Variants in INSYN2B observed in about 807,000 individuals in gnomAD.
The protein encoded by INSYN2B is protein INSYN2B.
A neutral mutation model predicts 41.2 loss-of-function variants in INSYN2B; 16 were observed. The ratio of observed to expected loss-of-function variants is 0.39; its 90% CI spans 0.26 to 0.59. INSYN2B has a LOEUF of 0.59. INSYN2B is among the 20% of genes least tolerant of loss of function. The pLI is 0.57. For missense variants in INSYN2B, 608 were observed against 646.4 expected, an observed-to-expected ratio of 0.94 and a Z score of 0.64; for synonymous variants, 245 against 244.4, an observed-to-expected ratio of 1.00 and a Z score of -0.02.
At chr5:169,929,658 C>T (rs907962234) in intron 1 of INSYN2B, among the ~76,000 whole-genome samples, 1 of 150,684 alleles carries the variant, frequency 6.6e-6, no homozygotes, top group Admixed American at 6.6e-5. Flanking sequence ...AGGAGAATCA[C>T]TCAAGCCTGG....
chr5:169,865,566 C>T (rs1017197454), intron 3 of INSYN2B, among the ~76,000 whole-genome samples: 9 of 152,190 alleles, frequency 5.9e-5, no homozygotes, highest in Non-Finnish European at 1.5e-5. Flanking sequence ...GGAGGATTTA[C>T]TTACAGAGGA....
intron 1 of INSYN2B, among the ~76,000 whole-genome samples, chr5:169,969,661 T>C (rs1286777191): frequency 6.6e-6 from 1 of 152,194 alleles, no homozygotes; most frequent in Non-Finnish European, 1.5e-5. Context: ...ACACGTGCAG[T>C]GCCTACAGGG....
At chr5:169,905,753 AG>A (rs1170972315) in intron 1 of INSYN2B, among the ~76,000 whole-genome samples, 1 of 152,196 alleles carries the variant, frequency 6.6e-6, no homozygotes, top group East Asian at 1.9e-4. Flanking sequence ...CAAACCACCC[AG>A]GTGTGCAGGG....
chr5:169,873,288 C>G (rs1162826389), intron 3 of INSYN2B, among the ~76,000 whole-genome samples: 1 of 152,208 alleles, frequency 6.6e-6, no homozygotes, highest in Non-Finnish European at 1.5e-5. Flanking sequence ...CCTGTTGGGA[C>G]TCAGAGAAAT....
chr5:169,951,205 T>C (rs1776651005), intron 1 of INSYN2B, among the ~76,000 whole-genome samples: 1 of 152,182 alleles, frequency 6.6e-6, no homozygotes, highest in Non-Finnish European at 1.5e-5. Flanking sequence ...TTATACTCAT[T>C]CCTTTATCAA....
intron 1 of INSYN2B, among the ~76,000 whole-genome samples, chr5:169,980,008 T>C (rs1412896816): frequency 6.6e-6 from 1 of 152,182 alleles, no homozygotes; most frequent in African/African-American, 2.4e-5. Flanking sequence ...AGATCCAAGG[T>C]TTGTTTTTCT....
At position 169,884,019 on chromosome 5, in the gene INSYN2B, T is replaced by C; in HGVS notation, c.-121A>G. The C allele has an allele frequency of 1.1e-6, 1 of 948,276 alleles. No homozygotes were observed. Among genetic ancestry groups the C allele is most frequent in the Non-Finnish European group, 1.5e-6 (1 of 681,026 alleles). 58.7% of individuals were successfully genotyped at this position (948,276 alleles called of 1,614,324 possible). A position where few individuals can be genotyped will look rare whatever the true frequency, so the allele number is the denominator to read the frequency against. Reference sequence around the variant, plus strand: ...TAGAGAACTGCTGGCCAGGATGGAGTGGTCCTCTCCTCTTAGTATGGGAAA... The same window carrying C: ...TAGAGAACTGCTGGCCAGGATGGAGCGGTCCTCTCCTCTTAGTATGGGAAA... On this transcript the variant is annotated 5_prime_UTR_variant, in exon 2 of 4. Transcript: ENST00000377365.
rs138447108 is a variant in INSYN2B at position 169,973,860 on chromosome 5, A to G, written c.-919+6417T>C. ...GCTAGCTTTATCCATATGTCCATAC[A>G]TCCATCTATTCATTCATTCATCTGT... On this transcript the variant is annotated intron_variant, in intron 1 of 3. Coordinates refer to ENST00000377365, the MANE Select transcript of INSYN2B (RefSeq NM_001129891.3). Among the ~76,000 whole-genome samples the G allele has an allele frequency of 1.9e-3, 282 of 152,282 alleles. 1 individual carries two copies. Among genetic ancestry groups the G allele is most frequent in the African/African-American group, 6.6e-3 (275 of 41,548 alleles).
At chr5:169,927,247 G>T (rs1456824234) in intron 1 of INSYN2B, among the ~76,000 whole-genome samples, 1 of 152,190 alleles carries the variant, frequency 6.6e-6, no homozygotes, top group Non-Finnish European at 1.5e-5. Flanking sequence ...GATGAATTCG[G>T]AGAGGTAGAA....
intron 1 of INSYN2B, among the ~76,000 whole-genome samples, chr5:169,972,170 G>T (rs1017981788): frequency 6.6e-6 from 1 of 152,048 alleles, no homozygotes. Flanking sequence ...TATCAATCTT[G>T]TAGTTTCTCA....
intron 1 of INSYN2B, among the ~76,000 whole-genome samples, chr5:169,948,846 A>C (rs527667706): frequency 6.6e-6 from 1 of 150,790 alleles, no homozygotes; most frequent in African/African-American, 2.4e-5. Flanking sequence ...TTTTTTCTTC[A>C]GCTCCCCAGT....
Position 169,918,426 on chromosome 5 carries a change from A to T in INSYN2B, c.-918-33610T>A, listed in dbSNP as rs185768079. ...ACTGTTTATAAATCACAACATAGGA[A>T]ACCACATGCATGCACACTAGAAGAA... is the stretch of plus-strand genomic sequence containing the variant. On this transcript the variant is annotated intron_variant, in intron 1 of 3. Coordinates refer to ENST00000377365, the MANE Select transcript of INSYN2B (RefSeq NM_001129891.3). 1.2e-4 allele frequency among the ~76,000 whole-genome samples: 18 copies of T among 152,350 alleles called. No individual in the cohort carries two copies. The East Asian group carries it at 2.7e-3, about 23-fold the overall frequency.
intron 1 of INSYN2B, among the ~76,000 whole-genome samples, chr5:169,932,011 C>T (rs1038561198): frequency 6.6e-6 from 1 of 152,312 alleles, no homozygotes; most frequent in Admixed American, 6.5e-5. Flanking sequence ...CAGCCATAAG[C>T]CCAACAGAGT....
chr5:169,906,625 G>A (rs377586258), intron 1 of INSYN2B, among the ~76,000 whole-genome samples: 1 of 152,104 alleles, frequency 6.6e-6, no homozygotes. Flanking sequence ...AGCCACCCAT[G>A]CCTGGCCAAA....
At chr5:169,925,354 G>A (rs1581425627) in intron 1 of INSYN2B, among the ~76,000 whole-genome samples, 2 of 152,190 alleles carry the variant, frequency 1.3e-5, no homozygotes, top group South Asian at 4.1e-4. Flanking sequence ...GGCTGAGGTG[G>A]GCAGATCACA....
intron 1 of INSYN2B, among the ~76,000 whole-genome samples, chr5:169,890,481 T>C (rs1026865916): frequency 2.0e-5 from 3 of 152,220 alleles, no homozygotes; most frequent in African/African-American, 4.8e-5. Context: ...TATCCACTTA[T>C]CTTTCCAATT....
At chr5:169,897,860 A>G (rs768166713) in intron 1 of INSYN2B, among the ~76,000 whole-genome samples, 1 of 152,142 alleles carries the variant, frequency 6.6e-6, no homozygotes, top group Non-Finnish European at 1.5e-5. Flanking sequence ...AGAGGAGTGG[A>G]CTCTCAAAAG....
intron 1 of INSYN2B, among the ~76,000 whole-genome samples, chr5:169,948,250 G>A (rs1283198278): frequency 6.6e-6 from 1 of 152,132 alleles, no homozygotes; most frequent in Non-Finnish European, 1.5e-5. Flanking sequence ...TGAAGGCCCT[G>A]CTCTCACAGA....
At chr5:169,914,604 C>A (rs909490569) in intron 1 of INSYN2B, among the ~76,000 whole-genome samples, 7 of 152,188 alleles carry the variant, frequency 4.6e-5, no homozygotes, top group African/African-American at 1.4e-4. Flanking sequence ...AAATTGAATT[C>A]ATTGGTAGCA....
Sources: gnomAD v4.1 joint callset for allele counts (sites outside exome capture counted in the v4.1 genomes callset) on GRCh38, gnomAD v4.1.1 for gene constraint, MANE v1.5 for transcripts, NCBI Gene and HGNC (gene_info 2026-07-23, HGNC 2026-07-21) for gene names.